The following TEK variants were observed in gnomAD, a reference collection of about 807,000 sequenced individuals.
TEK encodes the protein TEK receptor tyrosine kinase, also known as angiopoietin-1 receptor.
A neutral mutation model predicts 131.8 loss-of-function variants in TEK; 43 were observed. That is an observed-to-expected ratio of 0.33 (90% CI 0.26 to 0.42). TEK has a LOEUF of 0.42. TEK is among the 10% of genes least tolerant of loss of function. The pLI is 1.00. For synonymous variants in TEK, 580 were observed against 491.6 expected, an observed-to-expected ratio of 1.18 and a Z score of -2.38; for missense variants, 1,162 against 1,384.4, an observed-to-expected ratio of 0.84 and a Z score of 2.55.
At chr9:27,178,064 C>T (rs915933166) in intron 6 of TEK, among the ~76,000 whole-genome samples, 4 of 152,170 alleles carry the variant, frequency 2.6e-5, no homozygotes, top group Admixed American at 6.5e-5. Flanking sequence ...AAGCTTTTCC[C>T]GTCTGTTTTC....
intron 2 of TEK, among the ~76,000 whole-genome samples, chr9:27,160,576 G>T (rs138264211): frequency 6.6e-6 from 1 of 152,150 alleles, no homozygotes; most frequent in African/African-American, 2.4e-5. Context: ...CATGGACCAC[G>T]CTTTGAGTAG....
At chr9:27,151,738 G>A (rs769606886) in intron 1 of TEK, among the ~76,000 whole-genome samples, 2 of 152,190 alleles carry the variant, frequency 1.3e-5, no homozygotes, top group Non-Finnish European at 2.9e-5. Context: ...TCACTGCTGT[G>A]TCTCCAGGGC....
Position 27,212,723 on chromosome 9 carries a change from C to T in TEK, c.2703C>T (p.Ala901=). The T allele has an allele frequency of 6.2e-7, 1 of 1,614,104 alleles. No homozygotes were observed. Among genetic ancestry groups the T allele is most frequent in the Non-Finnish European group, 8.5e-7 (1 of 1,180,008 alleles). The stretch of plus-strand genomic sequence containing the variant: ...TCCCTCCAGGCTACTTGTACCTGGC[C>T]ATTGAGTACGCGCCCCATGGAAACC... ...ACEHRGYLYL[A]IEYAPHGNLL... is the part of the protein sequence containing the mutation. The change falls in exon 17 of 23, where the codon GCC becomes GCT. Residue 901 remains alanine (A), a synonymous_variant. Coordinates refer to ENST00000380036, the MANE Select transcript of TEK (RefSeq NM_000459.5).
chr9:27,130,237 C>T (rs1006771967), intron 1 of TEK, among the ~76,000 whole-genome samples: 3 of 152,030 alleles, frequency 2.0e-5, no homozygotes, highest in Admixed American at 1.3e-4. Context: ...CAGAACCAGA[C>T]TTGAGTTTAT....
intron 2 of TEK, among the ~76,000 whole-genome samples, chr9:27,163,238 G>A (rs758510021): frequency 6.6e-6 from 1 of 152,166 alleles, no homozygotes; most frequent in Non-Finnish European, 1.5e-5. Context: ...GTGAAGTCAG[G>A]CCCGATTCTA....
chr9:27,212,566 C>A, intron 16 of TEK, 141 bp from the exon 17 acceptor site: 1 of 859,460 alleles, frequency 1.2e-6, no homozygotes. Flanking sequence ...TTCCTCCTGT[C>A]CCCCAGTGCT....
intron 1 of TEK, among the ~76,000 whole-genome samples, chr9:27,132,506 A>G (rs1210867636): frequency 6.6e-6 from 1 of 152,168 alleles, no homozygotes; most frequent in Non-Finnish European, 1.5e-5. Context: ...GATTCCAGAG[A>G]CAGTGTCTTT....
Position 27,203,037 on chromosome 9 carries a change from G to C in TEK, c.2127G>C (p.Gln709His). Residue 709 changes from glutamine to histidine, a missense_variant, in exon 13 of 23, where the codon CAG becomes CAC. Gln to His is a conservative substitution (Grantham distance 24, BLOSUM62 0). Transcript: ENST00000380036. The stretch of plus-strand genomic sequence containing the variant: ...GCCTAGAGCCTGAAACAGCATACCA[G>C]GTGGACATTTTTGCAGAGAACAACA... Reference protein sequence around the residue: ...LKGLEPETAYQVDIFAENNIG... With the variant: ...LKGLEPETAYHVDIFAENNIG... 6.2e-7 allele frequency: 1 copy of C among 1,614,112 alleles called. No individual in the cohort carries two copies. Among genetic ancestry groups the C allele is most frequent in the Non-Finnish European group, 8.5e-7 (1 of 1,179,994 alleles).
At chr9:27,214,972 G>GC (rs1259449258) in intron 18 of TEK, among the ~76,000 whole-genome samples, 5 of 152,226 alleles carry the variant, frequency 3.3e-5, no homozygotes, top group Admixed American at 2.6e-4. Context: ...ACCTACTCCA[G>GC]CTTTCCCAAC....
chr9:27,202,161 C>T (rs1825236802), intron 12 of TEK, among the ~76,000 whole-genome samples: 1 of 152,190 alleles, frequency 6.6e-6, no homozygotes, highest in Non-Finnish European at 1.5e-5. Context: ...TCTTTCTCAT[C>T]CTGCCCGTGT....
intron 1 of TEK, among the ~76,000 whole-genome samples, chr9:27,109,920 C>T (rs1435162916): frequency 6.6e-6 from 1 of 152,132 alleles, no homozygotes; most frequent in Non-Finnish European, 1.5e-5. Context: ...AAGAGATCCC[C>T]TTACTATCAT....
intron 20 of TEK, 136 bp downstream of exon 20, chr9:27,218,953 T>C: frequency 1.1e-6 from 1 of 885,896 alleles, no homozygotes; most frequent in Non-Finnish European, 1.9e-6. Context: ...AATAGAAACA[T>C]AGTGTATTAA....
chr9:27,163,498 A>G (rs1045059130), intron 2 of TEK, among the ~76,000 whole-genome samples: 2 of 152,190 alleles, frequency 1.3e-5, no homozygotes, highest in African/African-American at 4.8e-5. Flanking sequence ...AAAGGAGGAG[A>G]AAAGAAGAAA....
rs1825686283 is a variant in TEK, at chr9:27,212,864, G to A, written c.2844G>A (p.Val948=). The A allele has an allele frequency of 6.2e-7, 1 of 1,613,888 alleles. No homozygotes were observed. Among genetic ancestry groups the A allele is most frequent in the Non-Finnish European group, 8.5e-7 (1 of 1,179,988 alleles). ...SQQLLHFAAD[V]ARGMDYLSQK... ...AGCTCCTTCACTTCGCTGCCGACGT[G>A]GCCCGGGGCATGGACTACTTGAGCC... is the stretch of plus-strand genomic sequence containing the variant. The change falls in exon 17 of 23, where the codon GTG becomes GTA. Residue 948 remains valine (V), a synonymous_variant. Transcript: ENST00000380036.
Position 27,146,920 on chromosome 9 carries a change from G to A in TEK, c.53-10911G>A, listed in dbSNP as rs182851406. 3.3e-3 allele frequency among the ~76,000 whole-genome samples: 500 copies of A among 151,914 alleles called. 3 individuals carry two copies. The highest frequency in any genetic ancestry group is 3.0e-3 in the Non-Finnish European group (202 of 67,950). On this transcript the variant is annotated intron_variant, in intron 1 of 22. Transcript: ENST00000380036. ...AATTTTTTGTATTTTTAGTAGAGAC[G>A]GGGTTTCACCGTGTTAGCCAGGATG... is the stretch of plus-strand genomic sequence containing the variant.
intron 9 of TEK, among the ~76,000 whole-genome samples, chr9:27,190,136 G>T (rs549957284): frequency 6.6e-6 from 1 of 152,132 alleles, no homozygotes; most frequent in Non-Finnish European, 1.5e-5. Context: ...AAGGAGGTTC[G>T]TGCTTTGTTA....
At chr9:27,111,791 A>G (rs1188823407) in intron 1 of TEK, among the ~76,000 whole-genome samples, 1 of 152,214 alleles carries the variant, frequency 6.6e-6, no homozygotes, top group African/African-American at 2.4e-5. Flanking sequence ...TAGAAAACTA[A>G]CAAAAAAATC....
intron 1 of TEK, among the ~76,000 whole-genome samples, chr9:27,149,598 A>C (rs1823050378): frequency 6.6e-6 from 1 of 152,092 alleles, no homozygotes; most frequent in African/African-American, 2.4e-5. Flanking sequence ...TTGCTCCTCC[A>C]ATCGTTCTCC....
chr9:27,125,720 G>T (rs1185104770), intron 1 of TEK, among the ~76,000 whole-genome samples: 1 of 152,060 alleles, frequency 6.6e-6, no homozygotes, highest in Non-Finnish European at 1.5e-5. Flanking sequence ...GCAAAATATA[G>T]GTGTATAACA....
Sources: gnomAD v4.1 joint callset for allele counts (sites outside exome capture counted in the v4.1 genomes callset) on GRCh38, gnomAD v4.1.1 for gene constraint, MANE v1.5 for transcripts, NCBI Gene and HGNC (gene_info 2026-07-23, HGNC 2026-07-21) for gene names.